Variants in SGIP1 observed in about 807,000 individuals in gnomAD.
SGIP1 encodes SH3-containing GRB2-like protein 3-interacting protein 1.
SGIP1 carries 38 observed loss-of-function variants against 107.5 expected under a neutral mutation model. That is an observed-to-expected ratio of 0.35 (90% CI 0.27 to 0.46). The LOEUF (loss-of-function observed/expected upper bound fraction) is 0.46, where lower values mean the gene tolerates loss of function less well. SGIP1 is among the 20% of genes least tolerant of loss of function. SGIP1 has a pLI of 1.00. For missense variants in SGIP1, 929 were observed against 1,019.5 expected (o/e 0.91, Z 1.21); for synonymous variants, 365 against 366.1 (o/e 1.00, Z 0.03).
chr1:66,688,840 G>T (rs1281099672), intron 15 of SGIP1, among the ~76,000 whole-genome samples: 1 of 152,074 alleles, frequency 6.6e-6, no homozygotes, highest in Non-Finnish European at 1.5e-5. Context: ...ATAATGAAAG[G>T]TACCTACCAT....
intron 18 of SGIP1, among the ~76,000 whole-genome samples, chr1:66,703,824 A>G (rs1557688675): frequency 6.6e-6 from 1 of 151,816 alleles, no homozygotes; most frequent in Non-Finnish European, 1.5e-5. Context: ...TGAATGATAT[A>G]TGGCATATCA....
At chr1:66,564,014 G>A (rs1241318373) in intron 1 of SGIP1, among the ~76,000 whole-genome samples, 1 of 151,954 alleles carries the variant, frequency 6.6e-6, no homozygotes, top group Non-Finnish European at 1.5e-5. Flanking sequence ...AGTTCAACAG[G>A]TCAGAAGCCC....
intron 1 of SGIP1, 82 bp downstream of exon 1, chr1:66,534,450 A>T: frequency 6.6e-7 from 1 of 1,515,942 alleles, no homozygotes. Context: ...CAGCCAGTGT[A>T]TGTGGCGGTT....
intron 1 of SGIP1, among the ~76,000 whole-genome samples, chr1:66,586,268 G>T (rs922539799): frequency 1.3e-5 from 2 of 152,046 alleles, no homozygotes; most frequent in African/African-American, 4.8e-5. Context: ...ATATAGATGG[G>T]TCATATTTTT....
rs1294667732 is a variant in SGIP1, at chr1:66,636,032, T to C, written c.171+17T>C. On this transcript the variant is annotated intron_variant, in intron 4 of 24. Transcript: ENST00000371037. ...AAAGTTTCGGTAAGGAAACAGATTTTAGTTTAAAATTTCCAAAGGGTTATA... is the reference window on the plus strand; with the variant it reads ...AAAGTTTCGGTAAGGAAACAGATTTCAGTTTAAAATTTCCAAAGGGTTATA... 4 of 1,610,444 alleles carry C rather than the reference T, an allele frequency of 2.5e-6. No homozygotes were observed. The highest frequency in any genetic ancestry group is 3.4e-6 in the Non-Finnish European group (4 of 1,177,800).
rs377207682 is a variant in SGIP1, at chr1:66,703,034, G to T, written c.1630+7541G>T. On this transcript the variant is annotated intron_variant, in intron 18 of 24. Transcript: ENST00000371037. ...TGCGTGGACAATTTTAAAACCTGAA[G>T]CATAAGTTAAATAGTTCCCTGGAGC... Among the ~76,000 whole-genome samples the T allele has an allele frequency of 7.8e-4, 119 of 152,316 alleles. No individual in the cohort carries two copies. The South Asian group carries it at 0.016, about 21-fold the overall frequency.
chr1:66,561,494 G>C (rs1288038506), intron 1 of SGIP1, among the ~76,000 whole-genome samples: 2 of 152,012 alleles, frequency 1.3e-5, no homozygotes, highest in Non-Finnish European at 2.9e-5. Context: ...AGCAGAACTT[G>C]AGAAAATGAA....
intron 17 of SGIP1, chr1:66,694,356 C>T: frequency 8.6e-7 from 1 of 1,167,628 alleles, no homozygotes; most frequent in Admixed American, 2.2e-5. Context: ...GTGTTTCAAT[C>T]AGTAAAGTGG....
At chr1:66,657,589 C>G (rs533222884) in intron 7 of SGIP1, among the ~76,000 whole-genome samples, 1 of 150,384 alleles carries the variant, frequency 6.6e-6, no homozygotes, top group African/African-American at 2.5e-5. Flanking sequence ...CAGAGAGAGA[C>G]AGAGAGAGAG....
At chr1:66,699,323 C>T (rs1198765023) in intron 18 of SGIP1, among the ~76,000 whole-genome samples, 1 of 152,146 alleles carries the variant, frequency 6.6e-6, no homozygotes, top group Non-Finnish European at 1.5e-5. Flanking sequence ...TAATTCCACC[C>T]TCTTCCACTC....
At chr1:66,633,174 T>A (rs1249324173) in intron 3 of SGIP1, 80 bp downstream of exon 3, 13 of 952,336 alleles carry the variant, frequency 1.4e-5, no homozygotes, top group East Asian at 2.4e-5. Flanking sequence ...CCCTTTTTTT[T>A]TCCTGTAGGG....
At chr1:66,737,797 T>G (rs2094318414) in intron 21 of SGIP1, among the ~76,000 whole-genome samples, 2 of 152,238 alleles carry the variant, frequency 1.3e-5, no homozygotes, top group African/African-American at 4.8e-5. Flanking sequence ...TCCCTTTTGC[T>G]GTTGTTTAGC....
chr1:66,695,766 A>G (rs2090784152), intron 18 of SGIP1, among the ~76,000 whole-genome samples: 1 of 152,250 alleles, frequency 6.6e-6, no homozygotes, highest in Admixed American at 6.5e-5. Flanking sequence ...TGAAAATAAA[A>G]CAAAACAAAA....
chr1:66,742,981 G>T, intron 24 of SGIP1, 92 bp from the exon 25 acceptor site: 1 of 1,285,800 alleles, frequency 7.8e-7, no homozygotes, highest in East Asian at 2.3e-5. Flanking sequence ...TGGCTCCTAG[G>T]GGTAGGGAAG....
rs149060922 is a variant in SGIP1 at position 66,611,977 on chromosome 1, T to G, written c.11-13870T>G. ...TATTATTCAACAGAAGTTGTCCTAG[T>G]CCACTTGTGTTGCTATAAGGAAATA... On this transcript the variant is annotated intron_variant, in intron 1 of 24. Coordinates refer to ENST00000371037, the MANE Select transcript of SGIP1 (RefSeq NM_032291.4). Among the ~76,000 whole-genome samples the G allele has an allele frequency of 6.3e-3, 967 of 152,290 alleles. 12 individuals are homozygous for G. The highest frequency in any genetic ancestry group is 0.022 in the African/African-American group (908 of 41,570).
At chr1:66,673,175 A>C (rs2084263056) in intron 11 of SGIP1, 106 bp from the exon 12 acceptor site, 1 of 1,143,074 alleles carries the variant, frequency 8.7e-7, no homozygotes, top group African/African-American at 1.5e-5. Context: ...ACTGGTGCAC[A>C]CACACACTTG....
chr1:66,548,436 A>AT (rs1485553120), intron 1 of SGIP1, among the ~76,000 whole-genome samples: 4 of 152,074 alleles, frequency 2.6e-5, no homozygotes, highest in Non-Finnish European at 5.9e-5. Flanking sequence ...TAGCTATTGA[A>AT]TAAACCCTTT....
At chr1:66,643,475 A>G (rs2077132661) in intron 6 of SGIP1, 69 bp from the exon 7 acceptor site, 4 of 1,344,334 alleles carry the variant, frequency 3.0e-6, no homozygotes, top group East Asian at 2.5e-5. Flanking sequence ...TCTATATGCA[A>G]TTGCTCTTGT....
intron 15 of SGIP1, 46 bp downstream of exon 15, chr1:66,682,415 T>C (rs2086952330): frequency 6.4e-7 from 1 of 1,565,040 alleles, no homozygotes; most frequent in Non-Finnish European, 8.6e-7. Flanking sequence ...GGAATGGCCA[T>C]GGCTGCTGCA....
Sources: gnomAD v4.1 joint callset for allele counts (sites outside exome capture counted in the v4.1 genomes callset) on GRCh38, gnomAD v4.1.1 for gene constraint, MANE v1.5 for transcripts, NCBI Gene and HGNC (gene_info 2026-07-23, HGNC 2026-07-21) for gene names.